PCDH9: variants seen among roughly 807,000 people sequenced by gnomAD.
PCDH9 encodes protocadherin 9.
A neutral mutation model predicts 70.6 loss-of-function variants in PCDH9; 24 were observed. The observed-to-expected ratio is 0.34, with a 90% CI of 0.25 to 0.48. PCDH9 has a LOEUF of 0.48. Ranked by LOEUF, PCDH9 falls within the 20% of genes least tolerant of loss-of-function variation. The pLI, the probability that PCDH9 is intolerant of heterozygous loss-of-function variation, is 0.99. For missense variants in PCDH9, 1,281 were observed against 1,503.6 expected, an observed-to-expected ratio of 0.85 and a Z score of 2.45; for synonymous variants, 562 against 558.5, an observed-to-expected ratio of 1.01 and a Z score of -0.09.
At chr13:66,844,472 C>G (rs2081170644) in intron 3 of PCDH9, among the ~76,000 whole-genome samples, 1 of 151,886 alleles carries the variant, frequency 6.6e-6, no homozygotes, top group South Asian at 2.1e-4. Context: ...GCAATCCCAG[C>G]TACTCAGGAG....
At chr13:66,525,619 C>CT (rs1404519137) in intron 4 of PCDH9, among the ~76,000 whole-genome samples, 6 of 152,054 alleles carry the variant, frequency 3.9e-5, no homozygotes, top group African/African-American at 9.7e-5. Context: ...CTCATTCTTG[C>CT]TTTTTAATGC....
At chr13:66,860,989 C>A (rs1162294540) in intron 3 of PCDH9, among the ~76,000 whole-genome samples, 2 of 152,170 alleles carry the variant, frequency 1.3e-5, no homozygotes, top group South Asian at 2.1e-4. Context: ...CTAATTTATC[C>A]CACTTGAGTG....
chr13:66,977,053 C>G (rs1162950151), intron 2 of PCDH9, among the ~76,000 whole-genome samples: 3 of 152,142 alleles, frequency 2.0e-5, no homozygotes, highest in African/African-American at 7.2e-5. Context: ...CTTTTCCTTA[C>G]TTACCAGAGA....
chr13:67,184,487 G>A (rs975275847), intron 2 of PCDH9, among the ~76,000 whole-genome samples: 3 of 152,142 alleles, frequency 2.0e-5, no homozygotes, highest in Admixed American at 6.5e-5. Flanking sequence ...ACAGAACTCT[G>A]GGAGGCTAAG....
At chr13:66,761,889 A>ATATTTAAGGCAAAATCTCAGC (rs1566176973) in intron 3 of PCDH9, among the ~76,000 whole-genome samples, 1 of 152,086 alleles carries the variant, frequency 6.6e-6, no homozygotes, top group African/African-American at 2.4e-5. Context: ...AGGATCAGTT[A>ATATTTAAGGCAAAATCTCAGC]CTGATACTTT....
At chr13:66,377,109 A>C (rs1363698720) in intron 4 of PCDH9, among the ~76,000 whole-genome samples, 1 of 152,214 alleles carries the variant, frequency 6.6e-6, no homozygotes, top group Non-Finnish European at 1.5e-5. Context: ...AGAAATCACC[A>C]TATCTGTGAA....
chr13:66,385,870 T>C (rs1295324118), intron 4 of PCDH9, among the ~76,000 whole-genome samples: 1 of 152,112 alleles, frequency 6.6e-6, no homozygotes, highest in Non-Finnish European at 1.5e-5. Context: ...GGGAATAATA[T>C]GTCAATCTTG....
chr13:66,488,038 C>A (rs1487461360), intron 4 of PCDH9, among the ~76,000 whole-genome samples: 1 of 152,156 alleles, frequency 6.6e-6, no homozygotes, highest in Non-Finnish European at 1.5e-5. Context: ...GAACCATACA[C>A]AGCATCCAAC....
In PCDH9 at chr13:67,032,153, G is replaced by T. The variant is rs114050264; in HGVS notation, c.3037-128548C>A. ...TTTAAAGTTTAAATACCACTTTTTTGGGGGGGTGAGGGAAGGGCCTTACTC... is the reference window on the plus strand; with the variant it reads ...TTTAAAGTTTAAATACCACTTTTTTTGGGGGGTGAGGGAAGGGCCTTACTC... On this transcript the variant is annotated intron_variant, in intron 2 of 4. Coordinates refer to ENST00000377865, the MANE Select transcript of PCDH9 (RefSeq NM_203487.3). Among the ~76,000 whole-genome samples the T allele has an allele frequency of 7.2e-3, 1,092 of 151,664 alleles. 11 individuals are homozygous for T. Among genetic ancestry groups the T allele is most frequent in the African/African-American group, 0.025 (1,032 of 41,372 alleles).
chr13:66,579,799 T>C (rs1021703950), intron 4 of PCDH9, among the ~76,000 whole-genome samples: 1 of 151,996 alleles, frequency 6.6e-6, no homozygotes, highest in African/African-American at 2.4e-5. Context: ...GAAGGAAACA[T>C]GATAAAGGTA....
At chr13:66,640,530 GACACAC>G (rs10579281) in intron 3 of PCDH9, among the ~76,000 whole-genome samples, 33,721 of 149,276 alleles carry the variant, frequency 0.23, 3,985 homozygotes, top group Middle Eastern at 0.35. Context: ...CCCATGCAAA[GACACAC>G]ACACACACAC....
At chr13:66,671,620 T>C (rs2078176249) in intron 3 of PCDH9, among the ~76,000 whole-genome samples, 1 of 152,168 alleles carries the variant, frequency 6.6e-6, no homozygotes, top group Non-Finnish European at 1.5e-5. Context: ...CTTGCTATGT[T>C]TTAGCAAAGA....
At chr13:66,308,647 T>G (rs1199236239) in intron 4 of PCDH9, among the ~76,000 whole-genome samples, 2 of 151,978 alleles carry the variant, frequency 1.3e-5, no homozygotes, top group African/African-American at 4.8e-5. Flanking sequence ...TATGAAAAAC[T>G]GAGTAGGGTT....
intron 3 of PCDH9, among the ~76,000 whole-genome samples, chr13:66,842,239 G>A (rs2081128485): frequency 6.6e-6 from 1 of 152,096 alleles, no homozygotes; most frequent in Non-Finnish European, 1.5e-5. Flanking sequence ...TCACCTTTAT[G>A]TCTGAGGGCA....
intron 2 of PCDH9, among the ~76,000 whole-genome samples, chr13:67,096,468 T>C (rs541183634): frequency 1.3e-5 from 2 of 152,298 alleles, no homozygotes; most frequent in Admixed American, 1.3e-4. Flanking sequence ...TAACTTCCTC[T>C]AGATAATCTC....
At chr13:66,787,444 C>A (rs967331424) in intron 3 of PCDH9, among the ~76,000 whole-genome samples, 5 of 151,816 alleles carry the variant, frequency 3.3e-5, no homozygotes, top group Non-Finnish European at 5.9e-5. Flanking sequence ...AGTGAAAGCC[C>A]ATGTCTACTA....
chr13:67,020,979 T>C (rs2084662979), intron 2 of PCDH9, among the ~76,000 whole-genome samples: 1 of 152,242 alleles, frequency 6.6e-6, no homozygotes, highest in Non-Finnish European at 1.5e-5. Context: ...ACAAAGTATA[T>C]GATTAAATGC....
chr13:66,637,467 C>T (rs564772007), intron 3 of PCDH9, among the ~76,000 whole-genome samples: 19 of 151,984 alleles, frequency 1.3e-4, no homozygotes, highest in Non-Finnish European at 2.2e-4. Flanking sequence ...AAATAAAATA[C>T]TTTATGAGTT....
chr13:67,045,124 G>C (rs1294450477), intron 2 of PCDH9, among the ~76,000 whole-genome samples: 2 of 152,080 alleles, frequency 1.3e-5, no homozygotes, highest in Non-Finnish European at 2.9e-5. Flanking sequence ...CCAAGAGGCA[G>C]GCTCAGCAGA....
Sources: gnomAD v4.1 joint callset for allele counts (sites outside exome capture counted in the v4.1 genomes callset) on GRCh38, gnomAD v4.1.1 for gene constraint, MANE v1.5 for transcripts, NCBI Gene and HGNC (gene_info 2026-07-23, HGNC 2026-07-21) for gene names.